Variants in LMCD1 observed in about 807,000 individuals in gnomAD.
The protein encoded by LMCD1 is LIM and cysteine-rich domains protein 1.
LMCD1 carries 32 observed loss-of-function variants against 42.7 expected under a neutral mutation model. That is an observed-to-expected ratio of 0.75 (90% confidence interval 0.57 to 1.01). The LOEUF is 1.01. Ranked by LOEUF, LMCD1 falls within the 50% of genes least tolerant of loss-of-function variation. The pLI, the probability that LMCD1 is intolerant of heterozygous loss-of-function variation, is 0.00. For missense variants in LMCD1, 458 were observed against 483.1 expected, an observed-to-expected ratio of 0.95 and a Z score of 0.49; for synonymous variants, 178 against 184.9, an observed-to-expected ratio of 0.96 and a Z score of 0.30.
intron 4 of LMCD1, chr3:8,550,847 C>T (rs763339841): frequency 6.1e-6 from 6 of 984,930 alleles, no homozygotes; most frequent in Middle Eastern, 1.0e-3. Flanking sequence ...GTAGCATTTC[C>T]AAATCGCCAT....
chr3:8,545,958 C>A (rs1374398843), intron 3 of LMCD1, among the ~76,000 whole-genome samples: 2 of 152,162 alleles, frequency 1.3e-5, no homozygotes, highest in Non-Finnish European at 2.9e-5. Context: ...GAAACCCCGT[C>A]TCTACTAAAA....
At chr3:8,553,418 A>G (rs565142566) in intron 4 of LMCD1, among the ~76,000 whole-genome samples, 2 of 152,312 alleles carry the variant, frequency 1.3e-5, no homozygotes, top group South Asian at 2.1e-4. Flanking sequence ...AAATGCCTGT[A>G]TGGAATTCCT....
intron 1 of LMCD1, among the ~76,000 whole-genome samples, chr3:8,504,042 G>C (rs1693823603): frequency 1.3e-5 from 2 of 152,168 alleles, no homozygotes; most frequent in Non-Finnish European, 1.5e-5. Flanking sequence ...GCCTGCAAAG[G>C]GTTTGTTTTC....
At chr3:8,562,054 T>C (rs1003204653) in intron 4 of LMCD1, among the ~76,000 whole-genome samples, 3 of 152,192 alleles carry the variant, frequency 2.0e-5, no homozygotes, top group Non-Finnish European at 2.9e-5. Context: ...TCCTGGGAAC[T>C]GGCAGAAGAC....
chr3:8,560,787 C>G (rs1170049712), intron 4 of LMCD1, among the ~76,000 whole-genome samples: 1 of 152,154 alleles, frequency 6.6e-6, no homozygotes, highest in African/African-American at 2.4e-5. Context: ...TGAAGAGGAA[C>G]AGGGTTTTCA....
At chr3:8,516,424 C>A (rs529562526) in intron 1 of LMCD1, among the ~76,000 whole-genome samples, 1 of 152,058 alleles carries the variant, frequency 6.6e-6, no homozygotes, top group Non-Finnish European at 1.5e-5. Flanking sequence ...AAAGTTCCAT[C>A]TGCCTGGATT....
intron 1 of LMCD1, among the ~76,000 whole-genome samples, chr3:8,529,195 TTCTC>T (rs1351233559): frequency 4.6e-5 from 7 of 152,188 alleles, no homozygotes; most frequent in African/African-American, 1.7e-4. Flanking sequence ...AACAAGATCG[TTCTC>T]TCTGTGTTGA....
chr3:8,513,680 G>A (rs756559659), intron 1 of LMCD1, among the ~76,000 whole-genome samples: 1 of 152,012 alleles, frequency 6.6e-6, no homozygotes. Flanking sequence ...ATAAATAGAG[G>A]TAATATCAAA....
At chr3:8,542,480 C>T (rs186502648) in intron 3 of LMCD1, among the ~76,000 whole-genome samples, 6 of 152,218 alleles carry the variant, frequency 3.9e-5, no homozygotes, top group African/African-American at 1.2e-4. Flanking sequence ...CTGGCGAAGC[C>T]GCTGCCCCAG....
At chr3:8,546,028 C>T (rs1035951353) in intron 3 of LMCD1, among the ~76,000 whole-genome samples, 1 of 152,104 alleles carries the variant, frequency 6.6e-6, no homozygotes, top group African/African-American at 2.4e-5. Flanking sequence ...TCCGGATTCT[C>T]CTGCTGAGGC....
At chr3:8,508,440 C>T (rs1693926753) in intron 1 of LMCD1, among the ~76,000 whole-genome samples, 1 of 152,218 alleles carries the variant, frequency 6.6e-6, no homozygotes. Context: ...GTGTCCAACT[C>T]AAGGTGGCTG....
At chr3:8,536,663 A>G (rs1213231779) in intron 2 of LMCD1, among the ~76,000 whole-genome samples, 1 of 152,218 alleles carries the variant, frequency 6.6e-6, no homozygotes, top group Non-Finnish European at 1.5e-5. Context: ...GGAGTTTGCA[A>G]ACTTTTTTTG....
At chr3:8,563,082 G>A (rs1192912442) in intron 4 of LMCD1, among the ~76,000 whole-genome samples, 1 of 152,186 alleles carries the variant, frequency 6.6e-6, no homozygotes, top group Non-Finnish European at 1.5e-5. Context: ...GAGGTGGGAG[G>A]GCAGAGGTTT....
At chr3:8,559,820 A>G (rs1429387264) in intron 4 of LMCD1, among the ~76,000 whole-genome samples, 2 of 152,224 alleles carry the variant, frequency 1.3e-5, no homozygotes, top group African/African-American at 4.8e-5. Flanking sequence ...ATCCTGACAC[A>G]TGTTGAGAGG....
chr3:8,550,453 AGGGCCG>A, intron 4 of LMCD1: 2 of 985,884 alleles, frequency 2.0e-6, no homozygotes, highest in Non-Finnish European at 2.4e-6. Context: ...ACATCCAGAG[AGGGCCG>A]GACTCTTTCT....
intron 1 of LMCD1, among the ~76,000 whole-genome samples, chr3:8,512,560 T>G (rs542339288): frequency 7.2e-5 from 11 of 152,190 alleles, no homozygotes; most frequent in Non-Finnish European, 1.2e-4. Flanking sequence ...AAGCTTTGTT[T>G]CCTCTAATCT....
At chr3:8,550,791 C>T (rs1342127428) in intron 4 of LMCD1, 2 of 985,110 alleles carry the variant, frequency 2.0e-6, no homozygotes, top group Non-Finnish European at 2.4e-6. Context: ...TTCATAAACC[C>T]TAAATACTAG....
chr3:8,540,359 C>A (rs1175230948), intron 3 of LMCD1, among the ~76,000 whole-genome samples: 1 of 152,210 alleles, frequency 6.6e-6, no homozygotes, highest in Non-Finnish European at 1.5e-5. Context: ...TACTAGCCAC[C>A]ATACTAGGAG....
intron 1 of LMCD1, among the ~76,000 whole-genome samples, chr3:8,516,783 A>T (rs1243130743): frequency 6.6e-6 from 1 of 152,148 alleles, no homozygotes; most frequent in African/African-American, 2.4e-5. Context: ...TCTCCTCTTT[A>T]GTTTGCTAGT....
Sources: allele counts gnomAD v4.1 joint callset (sites outside exome capture counted in the v4.1 genomes callset), GRCh38; gene constraint gnomAD v4.1.1; transcripts MANE v1.5; gene names NCBI Gene and HGNC (gene_info 2026-07-23, HGNC 2026-07-21).